Variants in PINX1 observed in about 807,000 individuals in gnomAD.
The protein encoded by PINX1 is PIN2/TERF1-interacting telomerase inhibitor 1.
PINX1 carries 34 observed loss-of-function variants against 25.4 expected under a neutral mutation model. The ratio of observed to expected loss-of-function variants is 1.34; its 90% CI spans 1.02 to 1.78. The LOEUF is 1.78. Among genes scored for constraint, PINX1 ranks in the 40% most tolerant of loss-of-function variants. The probability of loss-of-function intolerance (pLI) is 0.00; values close to 1 mark genes in which losing one functional copy is unlikely to be tolerated. For synonymous variants in PINX1, 197 were observed against 147.7 expected (o/e 1.33, Z -2.42); for missense variants, 592 against 404.9 (o/e 1.46, Z -3.97).
chr8:10,808,310 CA>C lies in PINX1; in HGVS notation c.471+11882del, dbSNP rs1439536034. On this transcript the variant is annotated intron_variant, in intron 6 of 6. Coordinates refer to ENST00000314787, the MANE Select transcript of PINX1 (RefSeq NM_017884.6). ...TATTGTAAAATATGAAGGTAAATAC[CA>C]AATAACTGAGGAAGAATTGAAAGTG... Among the ~76,000 whole-genome samples the C allele has an allele frequency of 1.9e-4, 29 of 152,186 alleles. No individual in the cohort carries two copies. In the East Asian group the frequency reaches 5.6e-3, roughly 29 times the overall value.
At chr8:10,800,071 G>A (rs1802218237) in intron 6 of PINX1, among the ~76,000 whole-genome samples, 1 of 152,194 alleles carries the variant, frequency 6.6e-6, no homozygotes, top group South Asian at 2.1e-4. Flanking sequence ...CACCATTCTT[G>A]CATCTGTTAC....
At chr8:10,779,341 G>A (rs553189618) in intron 6 of PINX1, among the ~76,000 whole-genome samples, 8 of 152,246 alleles carry the variant, frequency 5.3e-5, no homozygotes, top group African/African-American at 1.9e-4. Context: ...AGAAGTCAAT[G>A]GACATATAAC....
intron 6 of PINX1, among the ~76,000 whole-genome samples, chr8:10,819,474 A>G (rs1716092309): frequency 6.6e-6 from 1 of 152,236 alleles, no homozygotes; most frequent in South Asian, 2.1e-4. Flanking sequence ...TGCCAGTTCT[A>G]AATACTTTTA....
Position 10,821,661 on chromosome 8 carries a change from G to A in PINX1, c.395-1392C>T, listed in dbSNP as rs1354044175. Among the ~76,000 whole-genome samples, 5 of 152,238 alleles carry A rather than the reference G, an allele frequency of 3.3e-5. No individual in the cohort carries two copies. The East Asian group carries it at 9.6e-4, about 29-fold the overall frequency. ...AGAGGTGGACAAACTCATCGGAGGT[G>A]TAGAGATGTCCTCACAGCTTTGCTG... On this transcript the variant is annotated intron_variant, in intron 5 of 6. Transcript: ENST00000314787.
intron 6 of PINX1, among the ~76,000 whole-genome samples, chr8:10,792,147 T>G (rs1801943185): frequency 6.6e-6 from 1 of 152,156 alleles, no homozygotes; most frequent in Non-Finnish European, 1.5e-5. Flanking sequence ...ATCCTCTCAT[T>G]GGATGACAGC....
intron 5 of PINX1, among the ~76,000 whole-genome samples, chr8:10,820,865 T>G (rs568394430): frequency 2.0e-5 from 3 of 152,360 alleles, no homozygotes; most frequent in East Asian, 1.9e-4. Context: ...AAAATGTTCT[T>G]TACTGCTCTA....
chr8:10,803,721 T>C (rs543548356), intron 6 of PINX1, among the ~76,000 whole-genome samples: 1 of 152,376 alleles, frequency 6.6e-6, no homozygotes, highest in African/African-American at 2.4e-5. Flanking sequence ...CAAGGTCTGC[T>C]TGTTCTACTT....
intron 6 of PINX1, among the ~76,000 whole-genome samples, chr8:10,800,170 T>A (rs565069521): frequency 6.6e-6 from 1 of 152,158 alleles, no homozygotes; most frequent in Non-Finnish European, 1.5e-5. Flanking sequence ...AGTGAGACCT[T>A]GGGTGCAGGA....
chr8:10,821,345 A>G (rs1308422321), intron 5 of PINX1, among the ~76,000 whole-genome samples: 1 of 152,224 alleles, frequency 6.6e-6, no homozygotes, highest in African/African-American at 2.4e-5. Context: ...ACACTCTTCA[A>G]TTTAATGCAA....
chr8:10,836,450 T>C (rs570928685), intron 1 of PINX1, among the ~76,000 whole-genome samples: 1 of 152,364 alleles, frequency 6.6e-6, no homozygotes, highest in Non-Finnish European at 1.5e-5. Context: ...AGTTCATGTG[T>C]CTATGCAGTG....
Position 10,765,813 on chromosome 8 carries a change from T to A in PINX1, c.575A>T (p.Lys192Met). 6.2e-7 allele frequency: 1 copy of A among 1,614,002 alleles called. No individual in the cohort carries two copies. The highest frequency in any genetic ancestry group is 8.5e-7 in the Non-Finnish European group (1 of 1,179,894). ...FAKRMAALKN[K>M]PQVPVPGSDI... ...AGACCCTGGAACTGGAACCTGGGGC[T>A]TGTTCTTCAGTGCTGCCATCCGCTT... Residue 192 changes from lysine (K) to methionine (M), a missense_variant, in exon 7 of 7, where the codon AAG becomes ATG. Physicochemically the swap from Lys to Met is moderately conservative, Grantham distance 95. Coordinates refer to ENST00000314787, the MANE Select transcript of PINX1 (RefSeq NM_017884.6).
intron 4 of PINX1, among the ~76,000 whole-genome samples, chr8:10,827,946 T>A (rs1380524469): frequency 6.7e-6 from 1 of 149,620 alleles, no homozygotes; most frequent in Non-Finnish European, 1.5e-5. Context: ...CAAACCAACC[T>A]TCTTCAGAGG....
chr8:10,801,523 C>G (rs1447773892), intron 6 of PINX1, among the ~76,000 whole-genome samples: 3 of 152,240 alleles, frequency 2.0e-5, no homozygotes, highest in African/African-American at 4.8e-5. Context: ...GGAATTCTCT[C>G]TGCCCAGCTC....
At chr8:10,835,065 C>A (rs760825830) in intron 1 of PINX1, among the ~76,000 whole-genome samples, 2 of 152,186 alleles carry the variant, frequency 1.3e-5, no homozygotes, top group Non-Finnish European at 2.9e-5. Flanking sequence ...GCTGGGCCTT[C>A]CATACTCCGC....
At chr8:10,772,119 C>T (rs1385540573) in intron 6 of PINX1, among the ~76,000 whole-genome samples, 1 of 152,214 alleles carries the variant, frequency 6.6e-6, no homozygotes, top group African/African-American at 2.4e-5. Flanking sequence ...CTGAACTGTT[C>T]TTGCTAAAGA....
intron 6 of PINX1, among the ~76,000 whole-genome samples, chr8:10,819,426 A>T (rs995519127): frequency 2.2e-4 from 34 of 152,234 alleles, no homozygotes; most frequent in African/African-American, 8.2e-4. Context: ...GCTGAGTAAC[A>T]GTGGTCACAA....
chr8:10,836,437 CAG>C (rs1477249135), intron 1 of PINX1, among the ~76,000 whole-genome samples: 1 of 152,240 alleles, frequency 6.6e-6, no homozygotes, highest in African/African-American at 2.4e-5. Flanking sequence ...ATCAGTGTGT[CAG>C]AGTTCATGTG....
chr8:10,824,765 G>A (rs752212559), intron 5 of PINX1, among the ~76,000 whole-genome samples: 6 of 152,196 alleles, frequency 3.9e-5, no homozygotes, highest in Non-Finnish European at 5.9e-5. Flanking sequence ...CACATCATCC[G>A]AAAGTTACAG....
intron 6 of PINX1, among the ~76,000 whole-genome samples, chr8:10,816,979 T>G (rs950988988): frequency 9.8e-5 from 15 of 152,286 alleles, no homozygotes; most frequent in African/African-American, 3.6e-4. Context: ...AGCACAGGGT[T>G]TGGCACACAG....
Sources: gnomAD v4.1 joint callset for allele counts (sites outside exome capture counted in the v4.1 genomes callset) on GRCh38, gnomAD v4.1.1 for gene constraint, MANE v1.5 for transcripts, NCBI Gene and HGNC (gene_info 2026-07-23, HGNC 2026-07-21) for gene names.